Variants in PDZRN4 observed in about 807,000 individuals in gnomAD.
PDZRN4 encodes the protein PDZ domain-containing RING finger protein 4.
Under a neutral mutation model 99.0 loss-of-function variants are expected in PDZRN4, and 70 were observed. The observed-to-expected ratio is 0.71, with a 90% confidence interval of 0.58 to 0.86. The LOEUF (loss-of-function observed/expected upper bound fraction) is 0.86, where lower values mean the gene tolerates loss of function less well. PDZRN4 is among the 40% of genes least tolerant of loss of function. The pLI is 0.00. For missense variants in PDZRN4, 1,474 were observed against 1,331.2 expected, an observed-to-expected ratio of 1.11 and a Z score of -1.67; for synonymous variants, 551 against 501.6, an observed-to-expected ratio of 1.10 and a Z score of -1.32.
chr12:41,265,301 A>G (rs1413372107), intron 3 of PDZRN4, among the ~76,000 whole-genome samples: 3 of 152,236 alleles, frequency 2.0e-5, no homozygotes, highest in Non-Finnish European at 4.4e-5. Flanking sequence ...CTACTGGATC[A>G]TCAACCCAAG....
intron 3 of PDZRN4, among the ~76,000 whole-genome samples, chr12:41,431,525 T>C (rs1341205783): frequency 6.6e-6 from 1 of 152,208 alleles, no homozygotes; most frequent in Non-Finnish European, 1.5e-5. Flanking sequence ...GTCTGTTACC[T>C]TATTTCGTCT....
At chr12:41,356,160 C>G (rs1034870434) in intron 3 of PDZRN4, among the ~76,000 whole-genome samples, 11 of 151,940 alleles carry the variant, frequency 7.2e-5, no homozygotes, top group Admixed American at 1.3e-4. Context: ...AGCACACTTT[C>G]AATTTAGAAA....
intron 3 of PDZRN4, among the ~76,000 whole-genome samples, chr12:41,428,049 T>C (rs1952552577): frequency 6.6e-6 from 1 of 152,080 alleles, no homozygotes; most frequent in Non-Finnish European, 1.5e-5. Context: ...GATTACGCCA[T>C]TGCACTTCAG....
chr12:41,560,022 C>T (rs1939242200), intron 7 of PDZRN4, among the ~76,000 whole-genome samples: 1 of 152,116 alleles, frequency 6.6e-6, no homozygotes, highest in Non-Finnish European at 1.5e-5. Flanking sequence ...TTGTAAATTA[C>T]CCAGTCTCAG....
At chr12:41,361,063 C>T (rs533013771) in intron 3 of PDZRN4, among the ~76,000 whole-genome samples, 12 of 152,010 alleles carry the variant, frequency 7.9e-5, no homozygotes, top group African/African-American at 2.7e-4. Flanking sequence ...ACATCTTACA[C>T]AGATTTTCCT....
chr12:41,236,703 T>C (rs534716616), intron 3 of PDZRN4, among the ~76,000 whole-genome samples: 6 of 152,240 alleles, frequency 3.9e-5, no homozygotes, highest in African/African-American at 7.2e-5. Context: ...TGTTTTTTTG[T>C]TTCTTTTTGC....
At chr12:41,320,240 G>T (rs1055573652) in intron 3 of PDZRN4, among the ~76,000 whole-genome samples, 2 of 152,198 alleles carry the variant, frequency 1.3e-5, no homozygotes, top group Non-Finnish European at 2.9e-5. Context: ...GGGTTTCTGA[G>T]AATGCTATTG....
chr12:41,313,586 T>C (rs909094375), intron 3 of PDZRN4, among the ~76,000 whole-genome samples: 2 of 152,148 alleles, frequency 1.3e-5, no homozygotes, highest in East Asian at 1.9e-4. Flanking sequence ...TCTTCACTAA[T>C]AGGCACCTCT....
intron 3 of PDZRN4, among the ~76,000 whole-genome samples, chr12:41,315,081 CT>C (rs1951629902): frequency 6.6e-6 from 1 of 152,088 alleles, no homozygotes; most frequent in South Asian, 2.1e-4. Context: ...ATTCATCTGT[CT>C]GCATTTCTTA....
At chr12:41,298,196 G>A (rs1250807878) in intron 3 of PDZRN4, among the ~76,000 whole-genome samples, 3 of 151,994 alleles carry the variant, frequency 2.0e-5, no homozygotes, top group Non-Finnish European at 4.4e-5. Flanking sequence ...ACTATTAACA[G>A]TTCTTAATAT....
chr12:41,255,565 C>A (rs1329995178), intron 3 of PDZRN4, among the ~76,000 whole-genome samples: 2 of 152,058 alleles, frequency 1.3e-5, no homozygotes. Flanking sequence ...GTTGAGGGAA[C>A]CTGTTTTTAT....
chr12:41,383,322 G>C (rs1952140242), intron 3 of PDZRN4, among the ~76,000 whole-genome samples: 1 of 152,176 alleles, frequency 6.6e-6, no homozygotes, highest in South Asian at 2.1e-4. Context: ...GGCACTCTGA[G>C]AGAAAGAAGG....
chr12:41,226,004 A>G (rs886963063), intron 3 of PDZRN4, among the ~76,000 whole-genome samples: 1 of 151,784 alleles, frequency 6.6e-6, no homozygotes, highest in Non-Finnish European at 1.5e-5. Flanking sequence ...CCGGTCAACA[A>G]TTTACCCATT....
At chr12:41,222,955 T>C (rs533344215) in intron 3 of PDZRN4, among the ~76,000 whole-genome samples, 3 of 152,308 alleles carry the variant, frequency 2.0e-5, no homozygotes, top group Admixed American at 6.5e-5. Context: ...AACTACTCAT[T>C]TTTAGTAGCT....
intron 3 of PDZRN4, among the ~76,000 whole-genome samples, chr12:41,291,885 T>A (rs963043526): frequency 6.6e-6 from 1 of 152,052 alleles, no homozygotes; most frequent in African/African-American, 2.4e-5. Flanking sequence ...ACCTGGTACA[T>A]GAGATGCAAC....
At chr12:41,430,034 C>G (rs1386538099) in intron 3 of PDZRN4, among the ~76,000 whole-genome samples, 1 of 152,078 alleles carries the variant, frequency 6.6e-6, no homozygotes, top group Non-Finnish European at 1.5e-5. Flanking sequence ...CAACTTTATA[C>G]GGGGCTAGAT....
intron 5 of PDZRN4, among the ~76,000 whole-genome samples, chr12:41,544,850 A>G (rs1938919036): frequency 6.6e-6 from 1 of 152,162 alleles, no homozygotes; most frequent in African/African-American, 2.4e-5. Flanking sequence ...TGCTGTTTAG[A>G]ATTCAGACCA....
chr12:41,404,364 C>T (rs1277772030), intron 3 of PDZRN4, among the ~76,000 whole-genome samples: 3 of 151,992 alleles, frequency 2.0e-5, no homozygotes, highest in East Asian at 1.9e-4. Flanking sequence ...ACATCAATAA[C>T]GTCCAGGTTG....
At chr12:41,555,272 C>G (rs1384689335) in intron 6 of PDZRN4, among the ~76,000 whole-genome samples, 1 of 137,412 alleles carries the variant, frequency 7.3e-6, no homozygotes, top group African/African-American at 2.7e-5. Flanking sequence ...GACGGACTTA[C>G]ACTACAGCTA....
Sources: gnomAD v4.1 joint callset for allele counts (sites outside exome capture counted in the v4.1 genomes callset) on GRCh38, gnomAD v4.1.1 for gene constraint, MANE v1.5 for transcripts, NCBI Gene and HGNC (gene_info 2026-07-23, HGNC 2026-07-21) for gene names.